Variants in FLRT2 observed in about 807,000 individuals in gnomAD.
FLRT2 encodes leucine-rich repeat transmembrane protein FLRT2.
Under a neutral mutation model 40.0 loss-of-function variants are expected in FLRT2, and 15 were observed. The ratio of observed to expected loss-of-function variants is 0.38; its 90% CI spans 0.25 to 0.58. The LOEUF is 0.58. Among genes scored for constraint, FLRT2 ranks in the 20% least tolerant of loss-of-function variants. The probability of loss-of-function intolerance (pLI) is 0.71; values close to 1 mark genes in which losing one functional copy is unlikely to be tolerated. For synonymous variants in FLRT2, 380 were observed against 336.8 expected (o/e 1.13, Z -1.41); for missense variants, 726 against 840.0 (o/e 0.86, Z 1.68).
In FLRT2 at chr14:85,627,433, G is replaced by A. The variant is rs1893733103; in HGVS notation, c.*3936G>A. On this transcript the variant is annotated 3_prime_UTR_variant, in exon 2 of 2. Transcript: ENST00000330753. ...CTTGTCACTGTGGAGAAAGAGTTTT[G>A]TATATGTCTGATACCGTTGTTATAA... is the stretch of plus-strand genomic sequence containing the variant. The A allele has an allele frequency of 6.0e-6, 1 of 167,040 alleles. No individual in the cohort carries two copies. Among genetic ancestry groups the A allele is most frequent in the Non-Finnish European group, 1.5e-5 (1 of 68,112 alleles). The allele number at this position is 167,040 out of a possible 1,614,324, so 10.3% of individuals were successfully genotyped here.
chr14:85,534,398 G>T (rs1888515883), intron 1 of FLRT2, among the ~76,000 whole-genome samples: 1 of 152,128 alleles, frequency 6.6e-6, no homozygotes, highest in African/African-American at 2.4e-5. Flanking sequence ...CTCCTGCTTC[G>T]TTTAGCTGGA....
intron 1 of FLRT2, among the ~76,000 whole-genome samples, chr14:85,615,799 C>T (rs1374327750): frequency 1.4e-5 from 1 of 71,924 alleles, no homozygotes; most frequent in Non-Finnish European, 2.9e-5. Context: ...TCAGCCAGTG[C>T]TGAAACCATT....
rs188787514 is a variant in FLRT2, at chr14:85,559,774, T to G, written c.-377+29240T>G. 8.6e-3 allele frequency among the ~76,000 whole-genome samples: 1,314 copies of G among 152,236 alleles called. 14 individuals carry two copies. The highest frequency in any genetic ancestry group is 0.03 in the African/African-American group (1,259 of 41,524). ...ATGTTCTGGGACTCACTGCTCTTAC[T>G]CAGGTCTGTGCTGCCCATTACCTCC... On this transcript the variant is annotated intron_variant, in intron 1 of 1. Coordinates refer to ENST00000330753, the MANE Select transcript of FLRT2 (RefSeq NM_013231.6).
chr14:85,611,755 C>G (rs1796122550), intron 1 of FLRT2, among the ~76,000 whole-genome samples: 1 of 152,130 alleles, frequency 6.6e-6, no homozygotes, highest in Admixed American at 6.5e-5. Flanking sequence ...TTTATCATCA[C>G]AGATTTTACA....
At chr14:85,591,958 C>G (rs1453074290) in intron 1 of FLRT2, among the ~76,000 whole-genome samples, 1 of 152,020 alleles carries the variant, frequency 6.6e-6, no homozygotes, top group East Asian at 1.9e-4. Flanking sequence ...TTTTAATATG[C>G]ATTTATGTCA....
intron 1 of FLRT2, among the ~76,000 whole-genome samples, chr14:85,535,243 A>G (rs2139798886): frequency 6.6e-6 from 1 of 152,274 alleles, no homozygotes; most frequent in Admixed American, 6.5e-5. Context: ...TATTATGTCT[A>G]ATTTCTCACA....
At chr14:85,549,044 G>A (rs1889449482) in intron 1 of FLRT2, among the ~76,000 whole-genome samples, 1 of 152,070 alleles carries the variant, frequency 6.6e-6, no homozygotes, top group Admixed American at 6.5e-5. Flanking sequence ...AAACTCCAGG[G>A]GAAGACCACC....
rs1299579630 is a variant in FLRT2, at chr14:85,647,613, C to T, written c.*24116C>T. ...TCCATGCCTATAAGCAAAGAAGTTA[C>T]GTGTATTAACTGGAACAATTGGTCC... On this transcript the variant is annotated 3_prime_UTR_variant, in exon 2 of 2. Transcript: ENST00000330753. 1.3e-5 allele frequency: 2 copies of T among 152,062 alleles called. No individual in the cohort carries two copies. Among genetic ancestry groups the T allele is most frequent in the African/African-American group, 2.4e-5 (1 of 41,388 alleles). 9.4% of individuals were successfully genotyped at this position (152,062 alleles called of 1,614,324 possible). A position where few individuals can be genotyped will look rare whatever the true frequency, so the allele number is the denominator to read the frequency against.
chr14:85,567,324 C>T (rs973716639), intron 1 of FLRT2, among the ~76,000 whole-genome samples: 2 of 152,144 alleles, frequency 1.3e-5, no homozygotes, highest in Non-Finnish European at 2.9e-5. Context: ...AAGCTTCCTT[C>T]GGCATCTTCC....
At chr14:85,553,268 A>G (rs1313460539) in intron 1 of FLRT2, among the ~76,000 whole-genome samples, 1 of 152,188 alleles carries the variant, frequency 6.6e-6, no homozygotes, top group African/African-American at 2.4e-5. Flanking sequence ...CTGTGATGAT[A>G]AAATTTTAGA....
chr14:85,653,083 G>T lies in FLRT2; in HGVS notation c.*29586G>T, dbSNP rs545651699. On this transcript the variant is annotated 3_prime_UTR_variant, in exon 2 of 2. Transcript: ENST00000330753. The stretch of plus-strand genomic sequence containing the variant: ...ATGGCCATTACCTAAAAGAAAGAAG[G>T]CAGCAAATGGTTCCAGACATTTATA... 6.6e-6 allele frequency: 1 copy of T among 152,142 alleles called. No homozygotes were observed. The highest frequency in any genetic ancestry group is 1.5e-5 in the Non-Finnish European group (1 of 68,034). 9.4% of individuals were successfully genotyped at this position (152,142 alleles called of 1,614,324 possible).
At chr14:85,553,951 C>T (rs113869031) in intron 1 of FLRT2, among the ~76,000 whole-genome samples, 7 of 152,252 alleles carry the variant, frequency 4.6e-5, no homozygotes, top group African/African-American at 1.7e-4. Context: ...TATACTCATT[C>T]ACTTAAAGGG....
At chr14:85,535,910 TTTTTTTTTTTTGTTG>T (rs1364103446) in intron 1 of FLRT2, among the ~76,000 whole-genome samples, 1 of 81,566 alleles carries the variant, frequency 1.2e-5, no homozygotes, top group South Asian at 4.7e-4. Flanking sequence ...TTTTTTTTTT[TTTTTTTTTTTTGTTG>T]TTGTTGTTGT....
rs151105207 is a variant in FLRT2, at chr14:85,548,956, C to T, written c.-377+18422C>T. On this transcript the variant is annotated intron_variant, in intron 1 of 1. Coordinates refer to ENST00000330753, the MANE Select transcript of FLRT2 (RefSeq NM_013231.6). ...AGACAGAAGAGAAGAAGTAGCTGGA[C>T]GTTGGAGAAAAGCAGCTTGACTTCA... Among the ~76,000 whole-genome samples the T allele has an allele frequency of 1.8e-3, 278 of 152,238 alleles. 4 individuals are homozygous for T. The highest frequency in any genetic ancestry group is 6.3e-3 in the African/African-American group (261 of 41,538).
chr14:85,576,070 T>C (rs1488717799), intron 1 of FLRT2, among the ~76,000 whole-genome samples: 6 of 152,144 alleles, frequency 3.9e-5, no homozygotes, highest in Non-Finnish European at 5.9e-5. Flanking sequence ...ACTTGTTTAT[T>C]TATATGCTGT....
rs1196431823 is a variant in FLRT2, at chr14:85,653,062, C to T, written c.*29565C>T. On this transcript the variant is annotated 3_prime_UTR_variant, in exon 2 of 2. Coordinates refer to ENST00000330753, the MANE Select transcript of FLRT2 (RefSeq NM_013231.6). ...TGATATGCAATGGCTGGGATAATGG[C>T]CATTACCTAAAAGAAAGAAGGCAGC... is the stretch of plus-strand genomic sequence containing the variant. 6.6e-6 allele frequency: 1 copy of T among 152,032 alleles called. No individual in the cohort carries two copies. Among genetic ancestry groups the T allele is most frequent in the Non-Finnish European group, 1.5e-5 (1 of 68,018 alleles). The allele number at this position is 152,032 out of a possible 1,614,324, so 9.4% of individuals were successfully genotyped here.
chr14:85,568,679 C>T (rs1490309092), intron 1 of FLRT2, among the ~76,000 whole-genome samples: 1 of 152,112 alleles, frequency 6.6e-6, no homozygotes, highest in Non-Finnish European at 1.5e-5. Flanking sequence ...ATCCTGCACT[C>T]TTCGCCCCAC....
At chr14:85,600,073 G>T (rs1202650901) in intron 1 of FLRT2, among the ~76,000 whole-genome samples, 2 of 152,178 alleles carry the variant, frequency 1.3e-5, no homozygotes, top group African/African-American at 2.4e-5. Context: ...ATTTATGGGG[G>T]TAGCTATAAA....
chr14:85,556,753 A>G (rs930020100), intron 1 of FLRT2, among the ~76,000 whole-genome samples: 8 of 152,242 alleles, frequency 5.3e-5, no homozygotes, highest in African/African-American at 9.6e-5. Flanking sequence ...TATATACACA[A>G]TAAGTATTAA....
Sources: gnomAD v4.1 joint callset for allele counts (sites outside exome capture counted in the v4.1 genomes callset) on GRCh38, gnomAD v4.1.1 for gene constraint, MANE v1.5 for transcripts, NCBI Gene and HGNC (gene_info 2026-07-23, HGNC 2026-07-21) for gene names.